The following CDKL4 variants were observed in gnomAD, a reference collection of about 807,000 sequenced individuals.
CDKL4 encodes cyclin dependent kinase like 4, also known as cyclin-dependent kinase-like 4.
A neutral mutation model predicts 42.0 loss-of-function variants in CDKL4; 44 were observed. The ratio of observed to expected loss-of-function variants is 1.05; its 90% CI spans 0.82 to 1.35. The LOEUF (loss-of-function observed/expected upper bound fraction) is 1.35, where lower values mean the gene tolerates loss of function less well. Among genes scored for constraint, CDKL4 ranks in the 40% most tolerant of loss-of-function variants. The pLI is 0.00. For missense variants in CDKL4, 393 were observed against 369.9 expected (o/e 1.06, Z -0.51); for synonymous variants, 120 against 121.6 (o/e 0.99, Z 0.09).
intron 7 of CDKL4, among the ~76,000 whole-genome samples, chr2:39,185,004 G>C (rs1675639732): frequency 6.6e-6 from 1 of 150,680 alleles, no homozygotes; most frequent in Non-Finnish European, 1.5e-5. Context: ...CAAAGTGCAG[G>C]GATTATAGGG....
chr2:39,198,584 A>C (rs185155335), intron 5 of CDKL4, among the ~76,000 whole-genome samples: 6 of 152,080 alleles, frequency 3.9e-5, no homozygotes, highest in African/African-American at 7.2e-5. Flanking sequence ...TAGACCATAT[A>C]ATAGGCCACA....
intron 1 of CDKL4, among the ~76,000 whole-genome samples, chr2:39,243,143 A>C (rs1330520021): frequency 8.4e-6 from 1 of 118,742 alleles, no homozygotes; most frequent in African/African-American, 2.7e-5. Context: ...AAAAAAAAAA[A>C]AAAAAAAAGG....
At chr2:39,183,267 CAAA>C (rs5830560) in intron 8 of CDKL4, among the ~76,000 whole-genome samples, 5 of 147,440 alleles carry the variant, frequency 3.4e-5, no homozygotes, top group African/African-American at 1.2e-4. Flanking sequence ...GACTCTGTCT[CAAA>C]AAAAAAAAAA....
chr2:39,186,579 A>G (rs983619879), intron 7 of CDKL4, among the ~76,000 whole-genome samples: 6 of 152,240 alleles, frequency 3.9e-5, no homozygotes, highest in Non-Finnish European at 8.8e-5. Context: ...GTTTTCAAAT[A>G]AAGGCAAAGA....
chr2:39,170,696 C>T (rs570546277), downstream of CDKL4, among the ~76,000 whole-genome samples: 1 of 152,134 alleles, frequency 6.6e-6, no homozygotes, highest in South Asian at 2.1e-4. Context: ...ACCTCATGAT[C>T]TGCCCACCTC....
At chr2:39,172,320 GAAAA>G (rs112274317), downstream of CDKL4, among the ~76,000 whole-genome samples, 1 of 132,204 alleles carries the variant, frequency 7.6e-6, no homozygotes, top group Non-Finnish European at 1.6e-5. Flanking sequence ...TCCCCGCTCC[GAAAA>G]AAAAAAAAGA....
intron 3 of CDKL4, among the ~76,000 whole-genome samples, chr2:39,213,914 GTTTT>G (rs1349401909): frequency 4.9e-5 from 7 of 142,558 alleles, no homozygotes; most frequent in African/African-American, 2.1e-4. Context: ...GTTTTGTTTT[GTTTT>G]GTTTTGTTTT....
rs745760478 is a variant in CDKL4 at position 39,179,359 on chromosome 2, A to T, written c.793-38T>A. On this transcript the variant is annotated intron_variant, in intron 8 of 9. Transcript: ENST00000451199. Reference sequence around the variant, plus strand: ...AGAATAGCAAAGAAGATGTTAAGGGAGGGGCTCATTTTGTTACCGTGCCCA... The same window carrying T: ...AGAATAGCAAAGAAGATGTTAAGGGTGGGGCTCATTTTGTTACCGTGCCCA... 36 of 1,510,070 alleles carry T rather than the reference A, an allele frequency of 2.4e-5. 1 individual carries two copies. In the South Asian group the frequency reaches 4.7e-4, roughly 20 times the overall value. 93.5% of individuals were successfully genotyped at this position (1,510,070 alleles called of 1,614,324 possible). A position where few individuals can be genotyped will look rare whatever the true frequency, so the allele number is the denominator to read the frequency against.
the CDKL4 span, among the ~76,000 whole-genome samples, chr2:39,168,138 C>G: frequency 2.0e-5 from 3 of 151,924 alleles, no homozygotes; most frequent in Non-Finnish European, 2.9e-5. Context: ...CATAATAAAA[C>G]TAAAATTGCT....
the CDKL4 span, among the ~76,000 whole-genome samples, chr2:39,169,455 C>T: frequency 1.3e-5 from 2 of 152,130 alleles, no homozygotes; most frequent in Non-Finnish European, 2.9e-5. Flanking sequence ...AAGGTAACTC[C>T]TGGCTCCTGG....
chr2:39,197,911 T>A, intron 5 of CDKL4, among the ~76,000 whole-genome samples: 1 of 150,130 alleles, frequency 6.7e-6, no homozygotes, highest in East Asian at 1.9e-4. Flanking sequence ...TCACAGGACC[T>A]ATAAAACAGC....
chr2:39,217,354 G>A (rs988330560), intron 3 of CDKL4, among the ~76,000 whole-genome samples: 1 of 152,116 alleles, frequency 6.6e-6, no homozygotes, highest in Admixed American at 6.5e-5. Context: ...TAACAAGATA[G>A]GGTAACATGA....
chr2:39,218,802 T>C (rs1489219655), intron 3 of CDKL4, among the ~76,000 whole-genome samples: 10 of 152,194 alleles, frequency 6.6e-5, no homozygotes, highest in Non-Finnish European at 1.3e-4. Context: ...TTGGCCTGAA[T>C]TAGACCATCG....
upstream of CDKL4, among the ~76,000 whole-genome samples, chr2:39,246,710 C>G (rs1384245918): frequency 6.6e-6 from 1 of 151,956 alleles, no homozygotes; most frequent in Admixed American, 6.6e-5. Context: ...GTTTACAAAT[C>G]TTACTACACA....
chr2:39,190,492 A>G, exon 6 of CDKL4: 1 of 1,614,142 alleles, frequency 6.2e-7, no homozygotes, highest in South Asian at 1.1e-5. Context: ...CGGTGTAGGC[A>G]TCTCCTGGAA....
upstream of CDKL4, among the ~76,000 whole-genome samples, chr2:39,244,979 T>C (rs999098494): frequency 6.6e-6 from 1 of 152,164 alleles, no homozygotes; most frequent in Non-Finnish European, 1.5e-5. Context: ...AAAACCTTTA[T>C]GTCTAGCTCA....
intron 5 of CDKL4, among the ~76,000 whole-genome samples, chr2:39,192,449 C>A (rs959460222): frequency 6.6e-6 from 1 of 152,152 alleles, no homozygotes; most frequent in African/African-American, 2.4e-5. Flanking sequence ...CAGCTTTGAA[C>A]TCCTGGGCTC....
chr2:39,219,759 A>G (rs1172974579), intron 3 of CDKL4, among the ~76,000 whole-genome samples: 1 of 152,196 alleles, frequency 6.6e-6, no homozygotes, highest in African/African-American at 2.4e-5. Context: ...GGCCATCTGG[A>G]ATAAAATGCC....
At chr2:39,205,759 C>T (rs1296698313) in intron 4 of CDKL4, among the ~76,000 whole-genome samples, 1 of 78,690 alleles carries the variant, frequency 1.3e-5, no homozygotes, top group African/African-American at 4.7e-5. Flanking sequence ...GACTCCGTCT[C>T]AAAAAAAAAA....
Sources: allele counts gnomAD v4.1 joint callset (sites outside exome capture counted in the v4.1 genomes callset), GRCh38; gene constraint gnomAD v4.1.1; transcripts MANE v1.5; gene names NCBI Gene and HGNC (gene_info 2026-07-23, HGNC 2026-07-21).